ARL3: variants seen among roughly 807,000 people sequenced by gnomAD.
The protein encoded by ARL3 is ADP-ribosylation factor-like protein 3.
In ARL3, 9 loss-of-function variants were observed where a neutral mutation model predicts 26.0. The ratio of observed to expected loss-of-function variants is 0.35; its 90% CI spans 0.21 to 0.60. The LOEUF is 0.60. ARL3 is among the 20% of genes least tolerant of loss of function. The pLI is 0.78. For synonymous variants in ARL3, 71 were observed against 78.4 expected, an observed-to-expected ratio of 0.91 and a Z score of 0.50; for missense variants, 158 against 215.7, an observed-to-expected ratio of 0.73 and a Z score of 1.67.
intron 3 of ARL3, among the ~76,000 whole-genome samples, chr10:102,691,525 C>A (rs1018056677): frequency 2.0e-5 from 3 of 152,116 alleles, no homozygotes; most frequent in African/African-American, 7.2e-5. Flanking sequence ...ACTTCATGGA[C>A]ACTGAAATGT....
intron 1 of ARL3, among the ~76,000 whole-genome samples, chr10:102,713,974 T>C (rs913049142): frequency 1.3e-5 from 2 of 152,134 alleles, no homozygotes; most frequent in Non-Finnish European, 2.9e-5. Flanking sequence ...CCCTCACCCC[T>C]GTCCCCAGAG....
intron 2 of ARL3, among the ~76,000 whole-genome samples, chr10:102,704,693 C>A (rs1036139250): frequency 2.5e-4 from 38 of 152,084 alleles, no homozygotes; most frequent in African/African-American, 8.9e-4. Flanking sequence ...TATAGGTACT[C>A]AGATCTGCTG....
chr10:102,685,068 C>T (rs1177767112), intron 5 of ARL3, among the ~76,000 whole-genome samples: 2 of 151,096 alleles, frequency 1.3e-5, no homozygotes, highest in Non-Finnish European at 3.0e-5. Flanking sequence ...GTCAACATGG[C>T]GAAATCCCGT....
intron 5 of ARL3, among the ~76,000 whole-genome samples, chr10:102,683,612 C>T (rs2064167023): frequency 6.6e-6 from 1 of 152,174 alleles, no homozygotes. Context: ...AAAATCAAAT[C>T]ATATATAATA....
intron 2 of ARL3, among the ~76,000 whole-genome samples, chr10:102,704,501 A>G (rs2064297968): frequency 6.6e-6 from 1 of 151,776 alleles, no homozygotes; most frequent in Non-Finnish European, 1.5e-5. Context: ...TTAGCGGGCC[A>G]TGGCGGTGTG....
rs60736499 is a variant in ARL3, at chr10:102,708,886, T to TAATATATATATATATA, written c.4-3398_4-3397insTATATATATATATATT. ...CAAAAACAAAAAATAAAACCATATA[T>TAATATATATATATATA]TATATATATATATATATATATATTT... On this transcript the variant is annotated intron_variant, in intron 1 of 5. Coordinates refer to ENST00000260746, the MANE Select transcript of ARL3 (RefSeq NM_004311.4). Among the ~76,000 whole-genome samples, 253 of 90,144 alleles carry TAATATATATATATATA rather than the reference T, an allele frequency of 2.8e-3. 12 individuals are homozygous for TAATATATATATATATA. The highest frequency in any genetic ancestry group is 6.8e-3 in the Middle Eastern group (1 of 148). 59.1% of individuals were successfully genotyped at this position (90,144 alleles called of 152,430 possible). A position where few individuals can be genotyped will look rare whatever the true frequency, so the allele number is the denominator to read the frequency against.
chr10:102,694,551 T>C (rs950482211), intron 3 of ARL3, among the ~76,000 whole-genome samples: 7 of 152,116 alleles, frequency 4.6e-5, no homozygotes, highest in African/African-American at 1.7e-4. Flanking sequence ...TTTTTTTGCA[T>C]GTCGATGTCC....
At chr10:102,714,162 G>T in intron 1 of ARL3, 111 bp downstream of exon 1, 1 of 1,231,872 alleles carries the variant, frequency 8.1e-7, no homozygotes, top group Non-Finnish European at 1.1e-6. Flanking sequence ...ATAGCAGGCT[G>T]AGCGACGTCC....
intron 3 of ARL3, among the ~76,000 whole-genome samples, chr10:102,697,514 A>C (rs570152457): frequency 7.2e-5 from 11 of 152,328 alleles, no homozygotes; most frequent in Admixed American, 6.5e-5. Flanking sequence ...ATCATTTATG[A>C]GGTCAGTCAC....
chr10:102,689,198 G>A (rs1374979169), intron 4 of ARL3, among the ~76,000 whole-genome samples: 5 of 152,084 alleles, frequency 3.3e-5, no homozygotes, highest in East Asian at 1.9e-4. Context: ...GGTGGCGCAC[G>A]CCTGTAATCC....
intron 1 of ARL3, among the ~76,000 whole-genome samples, chr10:102,710,433 A>G (rs1276105432): frequency 6.6e-6 from 1 of 152,222 alleles, no homozygotes; most frequent in African/African-American, 2.4e-5. Context: ...GTGCATCTAT[A>G]CATATATGCC....
intron 1 of ARL3, among the ~76,000 whole-genome samples, chr10:102,713,077 GTT>G (rs530168452): frequency 3.3e-3 from 73 of 22,416 alleles, no homozygotes; most frequent in Admixed American, 0.01. Flanking sequence ...TGGGCATCTA[GTT>G]TTTTTGTTTT....
At chr10:102,678,166 C>T (rs891152098) in intron 5 of ARL3, among the ~76,000 whole-genome samples, 1 of 152,102 alleles carries the variant, frequency 6.6e-6, no homozygotes, top group Admixed American at 6.6e-5. Flanking sequence ...GTCCCAGAGC[C>T]GACATCTGAC....
rs1554863363 is a variant in ARL3, at chr10:102,700,423, T to G, written c.148-934A>C. Among the ~76,000 whole-genome samples the G allele has an allele frequency of 1.0e-3, 44 of 42,312 alleles. 1 individual carries two copies. Among genetic ancestry groups the G allele is most frequent in the South Asian group, 3.8e-3 (5 of 1,326 alleles). 27.8% of individuals were successfully genotyped at this position (42,312 alleles called of 152,430 possible). On this transcript the variant is annotated intron_variant, in intron 2 of 5. Coordinates refer to ENST00000260746, the MANE Select transcript of ARL3 (RefSeq NM_004311.4). ...GATTCCATCTCAAAAAAAAAAAAAG[T>G]GCTTTCATAGGGAACTATGATGAAC...
intron 1 of ARL3, 83 bp from the exon 2 acceptor site, chr10:102,705,572 A>G: frequency 7.5e-7 from 1 of 1,333,832 alleles, no homozygotes; most frequent in Non-Finnish European, 9.9e-7. Context: ...TTCTCCTTGA[A>G]AAAAGTTATT....
In ARL3 at chr10:102,705,230, C is replaced by T. The variant is rs1390601701; in HGVS notation, c.147+116G>A. On this transcript the variant is annotated intron_variant, in intron 2 of 5. Transcript: ENST00000260746. ...TCTGGTTATCTTTAGATTGTATAGACTTTTCTCAGAGACAAAACTTGGAAG... is the reference window on the plus strand; with the variant it reads ...TCTGGTTATCTTTAGATTGTATAGATTTTTCTCAGAGACAAAACTTGGAAG... 3.1e-6 allele frequency: 4 copies of T among 1,285,802 alleles called. No homozygotes were observed. The East Asian group carries it at 7.6e-5, about 24-fold the overall frequency. 79.6% of individuals were successfully genotyped at this position (1,285,802 alleles called of 1,614,324 possible). A position where few individuals can be genotyped will look rare whatever the true frequency, so the allele number is the denominator to read the frequency against.
intron 3 of ARL3, among the ~76,000 whole-genome samples, chr10:102,697,638 T>C (rs1476886015): frequency 6.6e-6 from 1 of 152,096 alleles, no homozygotes; most frequent in African/African-American, 2.4e-5. Flanking sequence ...GGTCATTAAA[T>C]CCTTCAAATT....
At chr10:102,691,581 C>T (rs560418315) in intron 3 of ARL3, among the ~76,000 whole-genome samples, 2 of 152,178 alleles carry the variant, frequency 1.3e-5, no homozygotes, top group South Asian at 2.1e-4. Flanking sequence ...ATTCTTTTGG[C>T]GTTTTTCTCC....
intron 4 of ARL3, among the ~76,000 whole-genome samples, chr10:102,687,778 C>T (rs911581435): frequency 6.6e-5 from 10 of 152,142 alleles, no homozygotes; most frequent in Admixed American, 3.9e-4. Flanking sequence ...CCTCCTGCCT[C>T]AGCCTAACAA....
Sources: gnomAD v4.1 joint callset for allele counts (sites outside exome capture counted in the v4.1 genomes callset) on GRCh38, gnomAD v4.1.1 for gene constraint, MANE v1.5 for transcripts, NCBI Gene and HGNC (gene_info 2026-07-23, HGNC 2026-07-21) for gene names.